Variants in FMNL2 observed in about 807,000 individuals in gnomAD.
FMNL2 encodes formin-like protein 2.
A neutral mutation model predicts 130.2 loss-of-function variants in FMNL2; 51 were observed. That is an observed-to-expected ratio of 0.39 (90% CI 0.31 to 0.49). The LOEUF is 0.49. FMNL2 is among the 20% of genes least tolerant of loss of function. FMNL2 has a pLI of 0.85. For missense variants in FMNL2, 977 were observed against 1,316.2 expected (o/e 0.74, Z 3.99); for synonymous variants, 465 against 467.1 (o/e 1.00, Z 0.06).
At chr2:152,460,966 C>T (rs1167345932) in intron 1 of FMNL2, among the ~76,000 whole-genome samples, 1 of 152,130 alleles carries the variant, frequency 6.6e-6, no homozygotes, top group Non-Finnish European at 1.5e-5. Context: ...CTTGAATCAT[C>T]CCCAAACCAT....
At chr2:152,453,593 A>G (rs1688776489) in intron 1 of FMNL2, among the ~76,000 whole-genome samples, 1 of 152,224 alleles carries the variant, frequency 6.6e-6, no homozygotes. Flanking sequence ...AAAGGAGTTC[A>G]GATTCAATGC....
At chr2:152,564,474 C>A (rs1172749410) in intron 6 of FMNL2, among the ~76,000 whole-genome samples, 1 of 152,178 alleles carries the variant, frequency 6.6e-6, no homozygotes, top group Admixed American at 6.5e-5. Flanking sequence ...ATAATCCCAG[C>A]ACTTTGGGAG....
At position 152,640,732 on chromosome 2, in the gene FMNL2, T is replaced by G; in HGVS notation, c.3046-59T>G. The G allele has an allele frequency of 1.9e-6, 3 of 1,571,966 alleles. No individual in the cohort carries two copies. The South Asian group carries it at 3.5e-5, about 18-fold the overall frequency. ...ACATAATGCTCAGGCACATTTTGGA[T>G]TTTCACAAACTCCTAATGGGTGCTG... is the stretch of plus-strand genomic sequence containing the variant. On this transcript the variant is annotated intron_variant, in intron 24 of 25. Coordinates refer to ENST00000288670, the MANE Select transcript of FMNL2 (RefSeq NM_052905.4).
At chr2:152,370,541 T>G (rs1376644418) in intron 1 of FMNL2, among the ~76,000 whole-genome samples, 3 of 152,176 alleles carry the variant, frequency 2.0e-5, no homozygotes, top group Non-Finnish European at 4.4e-5. Flanking sequence ...GAAGTAGATT[T>G]TCAGAAATGA....
intron 6 of FMNL2, among the ~76,000 whole-genome samples, chr2:152,570,767 C>T (rs184093738): frequency 3.0e-4 from 45 of 152,280 alleles, no homozygotes; most frequent in African/African-American, 9.4e-4. Context: ...TTGAAAGTTA[C>T]ACTTCAGAAT....
At chr2:152,470,040 C>G (rs1024247135) in intron 1 of FMNL2, among the ~76,000 whole-genome samples, 34 of 152,074 alleles carry the variant, frequency 2.2e-4, no homozygotes, top group African/African-American at 7.2e-4. Flanking sequence ...TGTTGGTTTC[C>G]CCTTTCCTGA....
At chr2:152,494,371 C>T (rs1691379678) in intron 1 of FMNL2, among the ~76,000 whole-genome samples, 1 of 152,148 alleles carries the variant, frequency 6.6e-6, no homozygotes, top group Non-Finnish European at 1.5e-5. Flanking sequence ...CAGTCAAATT[C>T]AGAAGGAGTC....
Position 152,648,163 on chromosome 2 carries a change from G to GTTAT in FMNL2, c.*261_*264dup. On this transcript the variant is annotated 3_prime_UTR_variant, in exon 26 of 26. Coordinates refer to ENST00000288670, the MANE Select transcript of FMNL2 (RefSeq NM_052905.4). ...ATTAGGTATCTTTTTACACCAGTAT[G>GTTAT]TTATTTTTAACCAAAATGTAAAGTT... 1 of 398,788 alleles carries GTTAT rather than the reference G, an allele frequency of 2.5e-6. No homozygotes were observed. The highest frequency in any genetic ancestry group is 5.6e-5 in the South Asian group (1 of 17,744). 24.7% of individuals were successfully genotyped at this position (398,788 alleles called of 1,614,324 possible).
intron 1 of FMNL2, among the ~76,000 whole-genome samples, chr2:152,467,743 T>C (rs1689632620): frequency 1.3e-5 from 2 of 152,226 alleles, no homozygotes; most frequent in Admixed American, 1.3e-4. Flanking sequence ...GTGCACACAA[T>C]AGGTTTTGCC....
At chr2:152,624,469 C>A (rs1053760867) in intron 15 of FMNL2, among the ~76,000 whole-genome samples, 2 of 151,984 alleles carry the variant, frequency 1.3e-5, no homozygotes, top group Non-Finnish European at 2.9e-5. Flanking sequence ...TTCCTTCCCC[C>A]CCGCCCCTTT....
At chr2:152,377,995 C>G (rs376859125) in intron 1 of FMNL2, among the ~76,000 whole-genome samples, 3 of 151,900 alleles carry the variant, frequency 2.0e-5, no homozygotes, top group African/African-American at 4.8e-5. Context: ...GCCTGTAGTC[C>G]CAGCTACTAG....
intron 23 of FMNL2, among the ~76,000 whole-genome samples, chr2:152,638,879 A>T (rs2105960688): frequency 6.6e-6 from 1 of 152,344 alleles, no homozygotes; most frequent in South Asian, 2.1e-4. Context: ...GAGAAAATAT[A>T]TTTTAAAATC....
chr2:152,543,308 A>T (rs1694417139), intron 3 of FMNL2, among the ~76,000 whole-genome samples: 1 of 151,608 alleles, frequency 6.6e-6, no homozygotes, highest in Admixed American at 6.6e-5. Flanking sequence ...GTAAGTAGAG[A>T]ATAGCTGATT....
chr2:152,629,507 T>G, intron 18 of FMNL2, 149 bp from the exon 19 acceptor site: 3 of 680,654 alleles, frequency 4.4e-6, no homozygotes, highest in Non-Finnish European at 7.4e-6. Context: ...ATTAAATTTG[T>G]TATACTTAGA....
intron 2 of FMNL2, 62 bp from the exon 3 acceptor site, chr2:152,542,677 A>G: frequency 1.9e-6 from 3 of 1,547,918 alleles, no homozygotes; most frequent in Non-Finnish European, 2.7e-6. Context: ...ACATAATCTG[A>G]TGTGGCTGAC....
At chr2:152,405,221 A>G (rs1685918538) in intron 1 of FMNL2, among the ~76,000 whole-genome samples, 1 of 152,170 alleles carries the variant, frequency 6.6e-6, no homozygotes, top group Non-Finnish European at 1.5e-5. Flanking sequence ...GCTGGGCATT[A>G]TCATTAACTA....
Position 152,649,650 on chromosome 2 carries a change from TTAAAA to T in FMNL2, c.*1749_*1753del, listed in dbSNP as rs1683909296. 6.5e-6 allele frequency: 1 copy of T among 152,678 alleles called. No individual in the cohort carries two copies. Among genetic ancestry groups the T allele is most frequent in the African/African-American group, 2.4e-5 (1 of 41,472 alleles). 9.5% of individuals were successfully genotyped at this position (152,678 alleles called of 1,614,324 possible). ...AGTTCAATGCTGACATATATGTATA[TTAAAA>T]TAATTGCCTATTTATTAATCTACAA... On this transcript the variant is annotated 3_prime_UTR_variant, in exon 26 of 26. Transcript: ENST00000288670.
chr2:152,620,830 G>A, intron 15 of FMNL2: 1 of 707,190 alleles, frequency 1.4e-6, no homozygotes. Flanking sequence ...TCAAATCCAT[G>A]GTTTTACTTC....
At chr2:152,519,791 A>G (rs1244316864) in intron 1 of FMNL2, among the ~76,000 whole-genome samples, 1 of 152,220 alleles carries the variant, frequency 6.6e-6, no homozygotes, top group Admixed American at 6.5e-5. Flanking sequence ...TGAATGGAGT[A>G]CTTGGCACCT....
Sources: gnomAD v4.1 joint callset for allele counts (sites outside exome capture counted in the v4.1 genomes callset) on GRCh38, gnomAD v4.1.1 for gene constraint, MANE v1.5 for transcripts, NCBI Gene and HGNC (gene_info 2026-07-23, HGNC 2026-07-21) for gene names.